Variants in SYNPO observed in about 807,000 individuals in gnomAD.
The protein encoded by SYNPO is synaptopodin.
Under a neutral mutation model 49.5 loss-of-function variants are expected in SYNPO, and 19 were observed. The observed-to-expected ratio is 0.38, with a 90% CI of 0.27 to 0.56. The LOEUF is 0.56. SYNPO is among the 20% of genes least tolerant of loss of function. SYNPO has a pLI of 0.68. For missense variants in SYNPO, 1,131 were observed against 1,248.3 expected (o/e 0.91, Z 1.42); for synonymous variants, 536 against 548.0 (o/e 0.98, Z 0.31).
chr5:150,646,961 G>A (rs1758116868), intron 1 of SYNPO, among the ~76,000 whole-genome samples: 1 of 152,114 alleles, frequency 6.6e-6, no homozygotes, highest in African/African-American at 2.4e-5. Context: ...CAAGTCAGGT[G>A]GCCGGGCACG....
intron 1 of SYNPO, among the ~76,000 whole-genome samples, chr5:150,605,312 G>A (rs1316733077): frequency 2.0e-5 from 3 of 152,178 alleles, no homozygotes; most frequent in Non-Finnish European, 4.4e-5. Flanking sequence ...TGTTCTCCCT[G>A]AGTCTCCCAG....
chr5:150,658,799 G>C lies in SYNPO; in HGVS notation c.*1712G>C, dbSNP rs1442450316. On this transcript the variant is annotated 3_prime_UTR_variant, in exon 3 of 3. Transcript: ENST00000307662. Reference sequence around the variant, plus strand: ...GGACAGGGTGCTTTGGAATGAAAGAGTGACCTTAGAGGGCTCCTTGGGCCT... The same window carrying C: ...GGACAGGGTGCTTTGGAATGAAAGACTGACCTTAGAGGGCTCCTTGGGCCT... The C allele has an allele frequency of 6.6e-6, 1 of 152,448 alleles. No individual in the cohort carries two copies. The highest frequency in any genetic ancestry group is 1.5e-5 in the Non-Finnish European group (1 of 68,132). The allele number at this position is 152,448 out of a possible 1,614,324, so 9.4% of individuals were successfully genotyped here. A position where few individuals can be genotyped will look rare whatever the true frequency, so the allele number is the denominator to read the frequency against.
chr5:150,624,095 G>C (rs576815458), intron 2 of SYNPO, among the ~76,000 whole-genome samples: 62 of 152,328 alleles, frequency 4.1e-4, no homozygotes, highest in African/African-American at 1.4e-3. Flanking sequence ...AGTGAAAGGT[G>C]GGGAGCTGAG....
chr5:150,639,695 A>G (rs1007609014), upstream of SYNPO, among the ~76,000 whole-genome samples: 3 of 152,216 alleles, frequency 2.0e-5, no homozygotes, highest in Non-Finnish European at 2.9e-5. Context: ...GAAAAAAGGC[A>G]TGTTAAACCC....
At chr5:150,639,715 C>T (rs1757829746), upstream of SYNPO, among the ~76,000 whole-genome samples, 1 of 152,220 alleles carries the variant, frequency 6.6e-6, no homozygotes. Flanking sequence ...CTTGGCTTGG[C>T]AGCATCTGGT....
At chr5:150,636,738 GT>G (rs1435902897), upstream of SYNPO, among the ~76,000 whole-genome samples, 1 of 142,892 alleles carries the variant, frequency 7.0e-6, no homozygotes, top group African/African-American at 2.5e-5. Context: ...GGGGCCTGGG[GT>G]TCAAAACTGG....
the SYNPO span, among the ~76,000 whole-genome samples, chr5:150,593,303 G>T: frequency 1.3e-5 from 2 of 152,326 alleles, 1 homozygote; most frequent in South Asian, 4.1e-4. Context: ...TCCTTTCTGA[G>T]CTTTTGGATG....
In SYNPO at chr5:150,649,420, C is replaced by G. The variant is rs755286188; in HGVS notation, c.1145C>G (p.Thr382Ser). ...ARRGSRKSMF[T>S]FVEKPKVTPN... is the part of the protein sequence containing the mutation. ...CGGGGCAGCCGCAAATCCATGTTTA[C>G]TTTCGTGGAGAAGCCCAAGGTGACC... The change falls in exon 2 of 3, where the codon ACT becomes AGT. Residue 382 changes from threonine (T) to serine (S), a missense_variant. Physicochemically the swap from Thr to Ser is moderately conservative, Grantham distance 58 (BLOSUM62 1). Transcript: ENST00000307662. 1 of 1,614,230 alleles carries G rather than the reference C, an allele frequency of 6.2e-7. No individual in the cohort carries two copies. The highest frequency in any genetic ancestry group is 2.2e-5 in the East Asian group (1 of 44,876).
At chr5:150,618,583 C>T (rs1481712908) in exon 2 of SYNPO, 8 of 1,550,704 alleles carry the variant, frequency 5.2e-6, no homozygotes, top group Non-Finnish European at 7.0e-6. Context: ...CCTGCAGAGT[C>T]ACCCAGGGGA....
rs1470644199 is a variant in SYNPO at position 150,649,864 on chromosome 5, G to A, written c.1589G>A (p.Arg530Gln). 10 of 1,608,910 alleles carry A rather than the reference G, an allele frequency of 6.2e-6. No individual in the cohort carries two copies. The highest frequency in any genetic ancestry group is 2.2e-5 in the South Asian group (2 of 91,084). Residue 530 changes from arginine to glutamine, a missense_variant, in exon 2 of 3, where the codon CGA becomes CAA. Transcript: ENST00000307662. ...CCCACTAACGCCCCCGGGGCCTTCCGAGTGGCATCCCGAAGCCCAGCCCGG... is the reference window on the plus strand; with the variant it reads ...CCCACTAACGCCCCCGGGGCCTTCCAAGTGGCATCCCGAAGCCCAGCCCGG... ...KYPTNAPGAFRVASRSPARTP... is the reference protein window; with the variant it reads ...KYPTNAPGAFQVASRSPARTP...
In SYNPO at chr5:150,649,727, C is replaced by T. The variant is rs202025594; in HGVS notation, c.1452C>T (p.Tyr484=). Residue 484 remains tyrosine, a synonymous_variant, in exon 2 of 3, where the codon TAC becomes TAT. Coordinates refer to ENST00000307662, the MANE Select transcript of SYNPO (RefSeq NM_007286.6). ...CCTCTGGGAAGGGAGCTGAGCTCTACGCCCGCCGCCAGTCACGGATGGAGA... is the reference window on the plus strand; with the variant it reads ...CCTCTGGGAAGGGAGCTGAGCTCTATGCCCGCCGCCAGTCACGGATGGAGA... ...SEASGKGAEL[Y]ARRQSRMEKY... is the part of the protein sequence containing the mutation. 67 of 1,612,628 alleles carry T rather than the reference C, an allele frequency of 4.2e-5. 1 individual carries two copies. The Admixed American group carries it at 7.3e-4, about 18-fold the overall frequency.
chr5:150,647,862 C>T (rs1758161392), intron 1 of SYNPO, 82 bp from the exon 2 acceptor site: 3 of 1,295,192 alleles, frequency 2.3e-6, no homozygotes, highest in African/African-American at 3.0e-5. Context: ...CCGAGGCGAC[C>T]ATCTCTGTCT....
chr5:150,652,392 C>T, intron 2 of SYNPO: 1 of 986,328 alleles, frequency 1.0e-6, no homozygotes, highest in Non-Finnish European at 1.2e-6. Flanking sequence ...TTCCCTTCCT[C>T]CTGCCTGATT....
chr5:150,635,961 A>G (rs1312049315), upstream of SYNPO, among the ~76,000 whole-genome samples: 2 of 152,162 alleles, frequency 1.3e-5, no homozygotes, highest in Non-Finnish European at 1.5e-5. Flanking sequence ...GGCTTTGGTT[A>G]TCATATCTAC....
upstream of SYNPO, among the ~76,000 whole-genome samples, chr5:150,636,940 G>A (rs1437747144): frequency 6.6e-6 from 1 of 152,198 alleles, no homozygotes; most frequent in Non-Finnish European, 1.5e-5. Context: ...AGAGGTGGGT[G>A]TGTGCAAAAG....
intron 2 of SYNPO, chr5:150,653,793 C>G (rs998205998): frequency 1.3e-5 from 2 of 152,202 alleles, no homozygotes; most frequent in Non-Finnish European, 2.9e-5. Context: ...GGGAAGAAAA[C>G]AGTGGGATCC....
At chr5:150,595,896 C>G in the SYNPO span, among the ~76,000 whole-genome samples, 1 of 150,350 alleles carries the variant, frequency 6.7e-6, no homozygotes, top group East Asian at 2.0e-4. Context: ...CGTAAGTCGG[C>G]CCAACGGAGC....
the SYNPO span, among the ~76,000 whole-genome samples, chr5:150,595,683 C>T: frequency 5.9e-5 from 9 of 152,350 alleles, no homozygotes; most frequent in Admixed American, 5.2e-4. Context: ...ACACTATTTT[C>T]TTTCTCGTGC....
upstream of SYNPO, among the ~76,000 whole-genome samples, chr5:150,598,143 T>TCC (rs997109756): frequency 2.0e-5 from 3 of 151,842 alleles, no homozygotes; most frequent in African/African-American, 7.3e-5. Context: ...GGAAGCAGTG[T>TCC]CCCCCGCCCA....
Sources: gnomAD v4.1 joint callset for allele counts (sites outside exome capture counted in the v4.1 genomes callset) on GRCh38, gnomAD v4.1.1 for gene constraint, MANE v1.5 for transcripts, NCBI Gene and HGNC (gene_info 2026-07-23, HGNC 2026-07-21) for gene names.